Variants in ADAMTSL3 observed in about 807,000 individuals in gnomAD.
The protein encoded by ADAMTSL3 is ADAMTS-like protein 3.
In ADAMTSL3, 128 loss-of-function variants were observed where a neutral mutation model predicts 201.7. That is an observed-to-expected ratio of 0.63 (90% CI 0.55 to 0.73). The LOEUF (loss-of-function observed/expected upper bound fraction) is 0.73. Ranked by LOEUF, ADAMTSL3 falls within the 30% of genes least tolerant of loss-of-function variation. ADAMTSL3 has a pLI of 0.00. For missense variants in ADAMTSL3, 1,990 were observed against 2,119.6 expected, an observed-to-expected ratio of 0.94 and a Z score of 1.20; for synonymous variants, 738 against 748.4, an observed-to-expected ratio of 0.99 and a Z score of 0.23.
chr15:83,982,504 T>C lies in ADAMTSL3; in HGVS notation c.2876T>C (p.Leu959Pro). 6.2e-7 allele frequency: 1 copy of C among 1,614,204 alleles called. No homozygotes were observed. Among genetic ancestry groups the C allele is most frequent in the Non-Finnish European group, 8.5e-7 (1 of 1,180,036 alleles). Residue 959 changes from leucine (L) to proline (P), a missense_variant, in exon 21 of 30, where the codon CTT becomes CCT. Leu to Pro is a moderately conservative substitution (Grantham distance 98). Coordinates refer to ENST00000286744, the MANE Select transcript of ADAMTSL3 (RefSeq NM_207517.3). ...CGTTGCCTGCAGAACTCCAAACGGC[T>C]TGGCATCACCAAGTCAGGCTCACTA... ...DGRCLQNSKRLGITKSGSLKI... is the reference protein window; with the variant it reads ...DGRCLQNSKRPGITKSGSLKI...
chr15:83,924,744 C>A (rs774459170), intron 17 of ADAMTSL3, among the ~76,000 whole-genome samples: 1 of 152,176 alleles, frequency 6.6e-6, no homozygotes, highest in Non-Finnish European at 1.5e-5. Context: ...TGGTTTCTCA[C>A]ACAAGACCTT....
intron 6 of ADAMTSL3, among the ~76,000 whole-genome samples, chr15:83,822,491 C>T (rs1315584797): frequency 1.4e-3 from 191 of 136,786 alleles, no homozygotes; most frequent in African/African-American, 5.7e-3. Flanking sequence ...GGCGGCCGGG[C>T]AGAGACGCTC....
chr15:83,913,863 C>T, intron 16 of ADAMTSL3, among the ~76,000 whole-genome samples: 1 of 152,184 alleles, frequency 6.6e-6, no homozygotes, highest in Non-Finnish European at 1.5e-5. Flanking sequence ...GTGACATACA[C>T]AGCCAGGAAA....
chr15:83,817,627 TA>T (rs2063790055), intron 5 of ADAMTSL3, among the ~76,000 whole-genome samples: 9 of 152,278 alleles, frequency 5.9e-5, no homozygotes, highest in African/African-American at 2.2e-4. Context: ...CTATGAAGTT[TA>T]ATAGTTTCAT....
At chr15:83,709,925 G>A (rs528974354) in intron 3 of ADAMTSL3, among the ~76,000 whole-genome samples, 16 of 152,146 alleles carry the variant, frequency 1.1e-4, no homozygotes, top group African/African-American at 3.9e-4. Context: ...TAGAAATTGG[G>A]CCTCATGCAC....
At chr15:83,943,220 T>G in intron 19 of ADAMTSL3, 138 bp downstream of exon 19, 1 of 968,732 alleles carries the variant, frequency 1.0e-6, no homozygotes, top group Non-Finnish European at 1.5e-6. Context: ...AAGGAGGTGC[T>G]CACTCACTCT....
At chr15:83,920,710 C>T (rs1187865850) in intron 16 of ADAMTSL3, among the ~76,000 whole-genome samples, 1 of 152,112 alleles carries the variant, frequency 6.6e-6, no homozygotes, top group Admixed American at 6.6e-5. Context: ...ATGAAGCAGA[C>T]CTCTTTTTTC....
At chr15:83,849,312 A>G (rs2064562338) in intron 7 of ADAMTSL3, among the ~76,000 whole-genome samples, 1 of 152,110 alleles carries the variant, frequency 6.6e-6, no homozygotes, top group African/African-American at 2.4e-5. Context: ...TTTTTTGTTG[A>G]GACAAGGTCT....
chr15:83,812,154 ACTG>A (rs1387415043), intron 5 of ADAMTSL3, among the ~76,000 whole-genome samples: 2 of 152,200 alleles, frequency 1.3e-5, no homozygotes, highest in African/African-American at 4.8e-5. Context: ...AATTACTTGA[ACTG>A]CTTCCTGCTT....
At chr15:83,655,898 A>G (rs1335579824) in intron 2 of ADAMTSL3, 68 bp downstream of exon 2, 11 of 1,472,546 alleles carry the variant, frequency 7.5e-6, no homozygotes, top group African/African-American at 1.4e-5. Flanking sequence ...GCATTATTGT[A>G]TACCACCTAA....
chr15:83,740,548 T>A (rs1403720111), intron 3 of ADAMTSL3, among the ~76,000 whole-genome samples: 1 of 152,020 alleles, frequency 6.6e-6, no homozygotes, highest in Non-Finnish European at 1.5e-5. Context: ...CAGGGAAAAT[T>A]GAAAATAAAA....
rs552708610 is a variant in ADAMTSL3 at position 83,965,084 on chromosome 15, A to G, written c.2491-5400A>G. 1.7e-3 allele frequency among the ~76,000 whole-genome samples: 255 copies of G among 152,242 alleles called. 1 individual carries two copies. The highest frequency in any genetic ancestry group is 3.3e-3 in the Non-Finnish European group (224 of 68,020). On this transcript the variant is annotated intron_variant, in intron 19 of 29. Coordinates refer to ENST00000286744, the MANE Select transcript of ADAMTSL3 (RefSeq NM_207517.3). ...TGCAAAAACATACCAAATTGTAAAG[A>G]CTGTCAACACTATGAAGAAACTGCA...
chr15:83,767,229 A>G (rs994615696), intron 3 of ADAMTSL3, among the ~76,000 whole-genome samples: 3 of 152,228 alleles, frequency 2.0e-5, no homozygotes, highest in Non-Finnish European at 4.4e-5. Context: ...AGAAGGTGGG[A>G]AAAGTACTGG....
At chr15:83,894,248 A>C (rs1455117790) in intron 13 of ADAMTSL3, among the ~76,000 whole-genome samples, 1 of 152,230 alleles carries the variant, frequency 6.6e-6, no homozygotes. Context: ...TCCCCAGACT[A>C]AACATCATCA....
At chr15:83,714,779 C>CTT (rs1596074663) in intron 3 of ADAMTSL3, among the ~76,000 whole-genome samples, 2 of 111,350 alleles carry the variant, frequency 1.8e-5, no homozygotes, top group African/African-American at 3.1e-5. Flanking sequence ...TTCTTTCTTT[C>CTT]TTTCTTTTTC....
chr15:83,973,394 T>C (rs1453066496), intron 20 of ADAMTSL3, among the ~76,000 whole-genome samples: 1 of 152,196 alleles, frequency 6.6e-6, no homozygotes, highest in African/African-American at 2.4e-5. Flanking sequence ...TCGCCAAATC[T>C]TTATACCTTT....
At chr15:83,710,033 C>T (rs955860453) in intron 3 of ADAMTSL3, among the ~76,000 whole-genome samples, 2 of 152,112 alleles carry the variant, frequency 1.3e-5, no homozygotes, top group Non-Finnish European at 2.9e-5. Context: ...GTCTACTAGG[C>T]ACCAAAAGGC....
At chr15:83,923,852 C>G in intron 16 of ADAMTSL3, 52 bp from the exon 17 acceptor site, 1 of 1,600,976 alleles carries the variant, frequency 6.2e-7, no homozygotes, top group South Asian at 1.1e-5. Flanking sequence ...TTCTTTTTTC[C>G]ACAATAAATT....
intron 16 of ADAMTSL3, among the ~76,000 whole-genome samples, chr15:83,921,593 A>G (rs2066143992): frequency 6.6e-6 from 1 of 152,252 alleles, no homozygotes; most frequent in South Asian, 2.1e-4. Flanking sequence ...CCAAGCAAAA[A>G]GAACATGTCA....
Sources: gnomAD v4.1 joint callset for allele counts (sites outside exome capture counted in the v4.1 genomes callset) on GRCh38, gnomAD v4.1.1 for gene constraint, MANE v1.5 for transcripts, NCBI Gene and HGNC (gene_info 2026-07-23, HGNC 2026-07-21) for gene names.